PTPRM: variants seen among roughly 807,000 people sequenced by gnomAD.
The protein encoded by PTPRM is protein tyrosine phosphatase receptor type M.
Under a neutral mutation model 186.7 loss-of-function variants are expected in PTPRM, and 47 were observed. That is an observed-to-expected ratio of 0.25 (90% CI 0.20 to 0.32). PTPRM has a LOEUF of 0.32. Ranked by LOEUF, PTPRM falls within the 10% of genes least tolerant of loss-of-function variation. The pLI, the probability that PTPRM is intolerant of heterozygous loss-of-function variation, is 1.00. For missense variants in PTPRM, 1,494 were observed against 1,865.0 expected (o/e 0.80, Z 3.66); for synonymous variants, 668 against 674.9 (o/e 0.99, Z 0.16).
In PTPRM at chr18:7,801,850, C is replaced by A. The variant is rs146824902; in HGVS notation, c.196+27579C>A. ...TTGGCTGAAATGCTGTTGTGTGGTG[C>A]ATGATTGTATATTTGTGCTGTCCAG... is the stretch of plus-strand genomic sequence containing the variant. On this transcript the variant is annotated intron_variant, in intron 2 of 32. Transcript: ENST00000580170. Among the ~76,000 whole-genome samples the A allele has an allele frequency of 4.9e-3, 745 of 152,228 alleles. 9 individuals are homozygous for A. The highest frequency in any genetic ancestry group is 0.016 in the African/African-American group (684 of 41,530).
intron 7 of PTPRM, among the ~76,000 whole-genome samples, chr18:8,004,814 C>T (rs940313226): frequency 6.6e-6 from 1 of 152,174 alleles, no homozygotes; most frequent in African/African-American, 2.4e-5. Context: ...AACACAGAAT[C>T]AGATCAAGGC....
intron 31 of PTPRM, among the ~76,000 whole-genome samples, chr18:8,390,738 C>G (rs962320296): frequency 6.6e-6 from 1 of 151,978 alleles, no homozygotes; most frequent in African/African-American, 2.4e-5. Context: ...ACCATCCTGG[C>G]TAACACGGTG....
At chr18:7,695,757 G>A (rs1226527531) in intron 1 of PTPRM, among the ~76,000 whole-genome samples, 4 of 152,288 alleles carry the variant, frequency 2.6e-5, no homozygotes, top group Non-Finnish European at 5.9e-5. Flanking sequence ...AAGGTAGTTC[G>A]AGTGGTATGG....
At chr18:8,237,343 C>G (rs1326633202) in intron 14 of PTPRM, among the ~76,000 whole-genome samples, 2 of 151,288 alleles carry the variant, frequency 1.3e-5, no homozygotes, top group African/African-American at 4.9e-5. Context: ...CTTTGTAGCT[C>G]CAAGTTTCTG....
intron 13 of PTPRM, among the ~76,000 whole-genome samples, chr18:8,116,043 T>C (rs1568366615): frequency 2.0e-5 from 3 of 152,226 alleles, no homozygotes; most frequent in Admixed American, 1.3e-4. Context: ...ACTTTATGTA[T>C]AGAAATAAAT....
At chr18:7,711,561 C>G (rs369689821) in intron 1 of PTPRM, among the ~76,000 whole-genome samples, 82 of 152,322 alleles carry the variant, frequency 5.4e-4, no homozygotes, top group African/African-American at 1.5e-3. Context: ...TCCACAGAGC[C>G]CAGCAAGCTA....
intron 7 of PTPRM, among the ~76,000 whole-genome samples, chr18:8,045,773 T>C (rs773317955): frequency 2.6e-4 from 40 of 152,312 alleles, no homozygotes; most frequent in Non-Finnish European, 4.1e-4. Flanking sequence ...GTGAATGTAC[T>C]AAAAACCATT....
intron 11 of PTPRM, 151 bp from the exon 12 acceptor site, chr18:8,113,335 G>A (rs1457867394): frequency 4.5e-6 from 3 of 661,250 alleles, no homozygotes; most frequent in Non-Finnish European, 7.7e-6. Flanking sequence ...AGCAAGTGCT[G>A]CATGAGAGTC....
chr18:7,919,783 A>AT (rs1467577362), intron 4 of PTPRM, among the ~76,000 whole-genome samples: 6 of 152,094 alleles, frequency 3.9e-5, no homozygotes, highest in African/African-American at 1.4e-4. Flanking sequence ...TTCTGTCTGA[A>AT]TGATTGGTCT....
intron 1 of PTPRM, among the ~76,000 whole-genome samples, chr18:7,658,367 CA>C (rs2038905592): frequency 1.4e-5 from 2 of 138,484 alleles, no homozygotes; most frequent in African/African-American, 3.0e-5. Flanking sequence ...TATACATACA[CA>C]CACACACACG....
chr18:7,908,125 G>A (rs559521136), intron 4 of PTPRM, among the ~76,000 whole-genome samples: 4 of 152,244 alleles, frequency 2.6e-5, no homozygotes, highest in South Asian at 2.1e-4. Flanking sequence ...GTGCAGAGAC[G>A]TTCTTAGTTT....
At chr18:8,379,032 G>T in intron 27 of PTPRM, 135 bp from the exon 28 acceptor site, 1 of 649,308 alleles carries the variant, frequency 1.5e-6, no homozygotes, top group Middle Eastern at 4.1e-4. Context: ...CTCGAACTAT[G>T]GTGGGTTGGG....
chr18:8,132,978 G>C (rs1266979870), intron 13 of PTPRM, among the ~76,000 whole-genome samples: 1 of 152,042 alleles, frequency 6.6e-6, no homozygotes, highest in Admixed American at 6.6e-5. Flanking sequence ...AAATTTATTT[G>C]ACTCATGGTT....
intron 1 of PTPRM, among the ~76,000 whole-genome samples, chr18:7,659,828 C>G (rs1263144410): frequency 6.6e-6 from 1 of 152,152 alleles, no homozygotes; most frequent in African/African-American, 2.4e-5. Flanking sequence ...GGTCTGTAAA[C>G]TTGCTTAATC....
chr18:7,775,884 T>C (rs2042557440), intron 2 of PTPRM, among the ~76,000 whole-genome samples: 1 of 152,232 alleles, frequency 6.6e-6, no homozygotes, highest in South Asian at 2.1e-4. Context: ...ATAAATAATT[T>C]CTTGTCACCA....
chr18:8,322,463 A>G (rs1192570209), intron 22 of PTPRM, among the ~76,000 whole-genome samples: 1 of 152,168 alleles, frequency 6.6e-6, no homozygotes, highest in African/African-American at 2.4e-5. Context: ...TGATGACCCA[A>G]TATTAACTTC....
At chr18:7,614,319 C>T (rs957435226) in intron 1 of PTPRM, among the ~76,000 whole-genome samples, 1 of 152,160 alleles carries the variant, frequency 6.6e-6, no homozygotes, top group African/African-American at 2.4e-5. Context: ...TAAAGTACTT[C>T]TGGAATGTCA....
intron 2 of PTPRM, among the ~76,000 whole-genome samples, chr18:7,880,043 G>A (rs2048426860): frequency 2.0e-5 from 3 of 152,104 alleles, no homozygotes. Flanking sequence ...AGGGGGGAAA[G>A]CCCCTTATAA....
At chr18:8,047,195 C>G (rs2148224872) in intron 7 of PTPRM, among the ~76,000 whole-genome samples, 1 of 152,122 alleles carries the variant, frequency 6.6e-6, no homozygotes. Context: ...AAATGGAACA[C>G]TAGATGGCAA....
Sources: allele counts gnomAD v4.1 joint callset (sites outside exome capture counted in the v4.1 genomes callset), GRCh38; gene constraint gnomAD v4.1.1; transcripts MANE v1.5; gene names NCBI Gene and HGNC (gene_info 2026-07-23, HGNC 2026-07-21).